The following SEC61G variants were observed in gnomAD, a reference collection of about 807,000 sequenced individuals.
SEC61G encodes protein transport protein Sec61 subunit gamma.
In SEC61G, 4 loss-of-function variants were observed where a neutral mutation model predicts 7.5. That is an observed-to-expected ratio of 0.54 (90% CI 0.26 to 1.22). The LOEUF (loss-of-function observed/expected upper bound fraction) is 1.22. Among genes scored for constraint, SEC61G ranks in the 50% most tolerant of loss-of-function variants. The probability of loss-of-function intolerance (pLI) is 0.12; values close to 1 mark genes in which losing one functional copy is unlikely to be tolerated. For missense variants in SEC61G, 53 were observed against 84.6 expected (o/e 0.63, Z 1.46); for synonymous variants, 24 against 24.4 (o/e 0.98, Z 0.05).
At chr7:54,756,021 G>A (rs942993603) in intron 2 of SEC61G, 140 bp from the exon 3 acceptor site, 8 of 461,636 alleles carry the variant, frequency 1.7e-5, no homozygotes, top group African/African-American at 1.2e-4. Flanking sequence ...ATAAAAAGGT[G>A]AGACTATTAA....
rs747650328 is a variant in SEC61G, at chr7:54,757,614, T to G, written c.-6-20A>C. The G allele has an allele frequency of 1.6e-4, 248 of 1,590,364 alleles. No individual in the cohort carries two copies. Among genetic ancestry groups the G allele is most frequent in the Non-Finnish European group, 2.0e-4 (227 of 1,159,046 alleles). On this transcript the variant is annotated intron_variant, in intron 1 of 3. Transcript: ENST00000352861. ...GACTGCCTGTTTAAAACAAAAAAGA[T>G]ACTCACTGGTATTGGTTCTCATACA...
chr7:54,758,433 T>C (rs768355213), intron 1 of SEC61G, among the ~76,000 whole-genome samples: 3 of 152,210 alleles, frequency 2.0e-5, no homozygotes, highest in Non-Finnish European at 4.4e-5. Flanking sequence ...GGCTATGGAA[T>C]GTAAACCTCT....
At position 54,755,725 on chromosome 7, in the gene SEC61G, T is replaced by A. The variant is rs139506119; in HGVS notation, c.197+54A>T. 8,049 of 1,002,028 alleles carry A rather than the reference T, an allele frequency of 8.0e-3. 67 individuals carry two copies. The highest frequency in any genetic ancestry group is 9.8e-3 in the Non-Finnish European group (6,521 of 666,550). The allele number at this position is 1,002,028 out of a possible 1,614,324, so 62.1% of individuals were successfully genotyped here. On this transcript the variant is annotated intron_variant, in intron 3 of 3. Transcript: ENST00000352861. ...ATTAACGAAATAACAGCCTGTCATC[T>A]CAAATGGTTTTGAGTTTCATTCAAT...
chr7:54,758,338 A>G (rs137919580), intron 1 of SEC61G, among the ~76,000 whole-genome samples: 37 of 152,366 alleles, frequency 2.4e-4, no homozygotes, highest in Non-Finnish European at 4.7e-4. Context: ...CCACTGCTAT[A>G]GTAAGTAAAG....
chr7:54,758,180 CG>C (rs1242052695), intron 1 of SEC61G, among the ~76,000 whole-genome samples: 1 of 152,168 alleles, frequency 6.6e-6, no homozygotes, highest in African/African-American at 2.4e-5. Context: ...TAAAGGAAGA[CG>C]CAAATTCTGA....
At position 54,755,849 on chromosome 7, in the gene SEC61G, C is replaced by A; in HGVS notation, c.127G>T (p.Gly43Ter). The change falls in exon 3 of 4, where the codon GGA (glycine) becomes TGA (stop). Residue 43 changes from glycine (G) to a stop codon, truncating the protein, a stop_gained. Coordinates refer to ENST00000352861, the MANE Select transcript of SEC61G (RefSeq NM_014302.4). LOFTEE classifies it high-confidence loss of function. ...FQKIAMATAI[G>*]FAIMGFIGFF... ...CCAATGAATCCCATTATAGCAAATC[C>A]TATTGCTGTTGCCATGGCAATCTTC... 1.3e-6 allele frequency: 2 copies of A among 1,588,998 alleles called. No individual in the cohort carries two copies. The highest frequency in any genetic ancestry group is 1.3e-5 in the African/African-American group (1 of 74,258).
At chr7:54,752,480 T>C in intron 3 of SEC61G, 60 bp from the exon 4 acceptor site, 1 of 1,129,440 alleles carries the variant, frequency 8.9e-7, no homozygotes, top group Non-Finnish European at 1.3e-6. Context: ...TAATTATTAT[T>C]ATTTGAAATG....
At chr7:54,752,899 G>C (rs1050409944) in intron 3 of SEC61G, among the ~76,000 whole-genome samples, 1 of 152,170 alleles carries the variant, frequency 6.6e-6, no homozygotes, top group Non-Finnish European at 1.5e-5. Context: ...TTCTACAGAA[G>C]AACTTCTGAG....
intron 1 of SEC61G, 50 bp from the exon 2 acceptor site, chr7:54,757,644 G>A (rs975719491): frequency 9.7e-6 from 14 of 1,440,488 alleles, no homozygotes; most frequent in Non-Finnish European, 1.4e-5. Context: ...CATACAATAA[G>A]CACTTGCTCA....
chr7:54,757,063 T>A (rs1791534773), intron 2 of SEC61G, among the ~76,000 whole-genome samples: 2 of 150,504 alleles, frequency 1.3e-5, no homozygotes, highest in Admixed American at 1.3e-4. Flanking sequence ...ACTCAATGAA[T>A]GAATAAAAGT....
intron 1 of SEC61G, 79 bp downstream of exon 1, chr7:54,759,079 G>A: frequency 2.3e-6 from 1 of 436,662 alleles, no homozygotes; most frequent in Non-Finnish European, 4.7e-6. Flanking sequence ...ACGCCGGCTC[G>A]CCCACGCCCG....
At chr7:54,756,983 ATATAC>A (rs1791532288) in intron 2 of SEC61G, among the ~76,000 whole-genome samples, 8 of 145,690 alleles carry the variant, frequency 5.5e-5, no homozygotes, top group South Asian at 2.1e-4. Flanking sequence ...ACTATATACT[ATATAC>A]TATATTATAT....
intron 1 of SEC61G, among the ~76,000 whole-genome samples, chr7:54,758,632 G>A (rs921512687): frequency 2.0e-5 from 3 of 152,144 alleles, no homozygotes; most frequent in Non-Finnish European, 2.9e-5. Flanking sequence ...TTGTCACGAA[G>A]GAAGCTAAGA....
At chr7:54,755,731 G>A (rs1791500398) in intron 3 of SEC61G, 48 bp downstream of exon 3, 2 of 1,032,542 alleles carry the variant, frequency 1.9e-6, no homozygotes, top group Admixed American at 4.4e-5. Flanking sequence ...CATCTCAAAT[G>A]GTTTTGAGTT....
At chr7:54,752,546 C>A in intron 3 of SEC61G, 126 bp from the exon 4 acceptor site, 1 of 526,744 alleles carries the variant, frequency 1.9e-6, no homozygotes, top group Admixed American at 3.8e-5. Flanking sequence ...CACCTAACTT[C>A]ATCTAAAGAT....
chr7:54,755,640 G>A (rs1791497966), intron 3 of SEC61G, 139 bp downstream of exon 3: 2 of 442,520 alleles, frequency 4.5e-6, no homozygotes, highest in South Asian at 1.2e-4. Flanking sequence ...TCAATTATCA[G>A]GTACTCGTAA....
intron 2 of SEC61G, 130 bp downstream of exon 2, chr7:54,757,365 C>A: frequency 1.5e-6 from 1 of 673,466 alleles, no homozygotes; most frequent in Non-Finnish European, 2.4e-6. Flanking sequence ...CGTTAAAAAG[C>A]TGTCGCGCAG....
At chr7:54,756,951 ATATATAC>A (rs902492276) in intron 2 of SEC61G, among the ~76,000 whole-genome samples, 10 of 145,518 alleles carry the variant, frequency 6.9e-5, no homozygotes, top group East Asian at 2.0e-4. Flanking sequence ...ACTATACTAT[ATATATAC>A]TATATACTAT....
chr7:54,759,057 G>C, intron 1 of SEC61G, 101 bp downstream of exon 1: 1 of 411,242 alleles, frequency 2.4e-6, no homozygotes, highest in Non-Finnish European at 5.0e-6. Context: ...CGCGACGGCC[G>C]CCCGGGGAGA....
Sources: allele counts gnomAD v4.1 joint callset (sites outside exome capture counted in the v4.1 genomes callset), GRCh38; gene constraint gnomAD v4.1.1; transcripts MANE v1.5; gene names NCBI Gene and HGNC (gene_info 2026-07-23, HGNC 2026-07-21).